Variants in LRMDA observed in about 807,000 individuals in gnomAD.
LRMDA encodes the protein leucine rich melanocyte differentiation associated.
A neutral mutation model predicts 29.8 loss-of-function variants in LRMDA; 18 were observed. That is an observed-to-expected ratio of 0.60 (90% CI 0.42 to 0.90). The LOEUF is 0.90. LRMDA is among the 40% of genes least tolerant of loss of function. LRMDA has a pLI of 0.00. For missense variants in LRMDA, 273 were observed against 273.9 expected (o/e 1.00, Z 0.02); for synonymous variants, 125 against 109.4 (o/e 1.14, Z -0.89).
intron 2 of LRMDA, among the ~76,000 whole-genome samples, chr10:76,003,216 T>C (rs1277224360): frequency 2.0e-5 from 3 of 152,110 alleles, no homozygotes; most frequent in Non-Finnish European, 4.4e-5. Context: ...CTTTCCTGAG[T>C]ACTCCACCAT....
intron 2 of LRMDA, among the ~76,000 whole-genome samples, chr10:75,992,560 C>T (rs1283740262): frequency 6.6e-6 from 1 of 152,188 alleles, no homozygotes; most frequent in African/African-American, 2.4e-5. Flanking sequence ...AGCATGTCTG[C>T]CATGCTGTTT....
intron 6 of LRMDA, among the ~76,000 whole-genome samples, chr10:76,552,513 T>C (rs538019699): frequency 1.3e-5 from 2 of 152,358 alleles, no homozygotes; most frequent in East Asian, 1.9e-4. Flanking sequence ...ATTTGTCTCC[T>C]GCATCAGGCA....
At chr10:75,803,548 G>A (rs1195951660) in intron 2 of LRMDA, among the ~76,000 whole-genome samples, 1 of 152,136 alleles carries the variant, frequency 6.6e-6, no homozygotes, top group Non-Finnish European at 1.5e-5. Context: ...GTGTGCCATT[G>A]GGCAAATTAT....
chr10:75,706,896 A>G (rs1842377014), intron 2 of LRMDA, among the ~76,000 whole-genome samples: 1 of 152,096 alleles, frequency 6.6e-6, no homozygotes, highest in South Asian at 2.1e-4. Flanking sequence ...GGACCTCAGT[A>G]TACTCTTGGA....
intron 5 of LRMDA, among the ~76,000 whole-genome samples, chr10:76,223,203 A>C (rs970523173): frequency 3.9e-5 from 6 of 152,190 alleles, no homozygotes; most frequent in Admixed American, 2.0e-4. Flanking sequence ...CCAGCATGGC[A>C]CATGTATACA....
chr10:76,042,793 T>A (rs1263731696), intron 3 of LRMDA, among the ~76,000 whole-genome samples: 1 of 152,220 alleles, frequency 6.6e-6, no homozygotes, highest in Non-Finnish European at 1.5e-5. Flanking sequence ...GAAAATTGAT[T>A]TTTTAAAATA....
intron 5 of LRMDA, among the ~76,000 whole-genome samples, chr10:76,062,980 C>A (rs1194588147): frequency 6.6e-6 from 1 of 152,164 alleles, no homozygotes; most frequent in African/African-American, 2.4e-5. Flanking sequence ...AGCAGAGAGA[C>A]AGCTCAAAAA....
intron 2 of LRMDA, among the ~76,000 whole-genome samples, chr10:75,489,226 TAAAA>T (rs33952475): frequency 5.3e-5 from 7 of 132,074 alleles, no homozygotes; most frequent in African/African-American, 1.4e-4. Flanking sequence ...GGATTTTTAG[TAAAA>T]AAAAAAAAAA....
chr10:76,431,688 G>A (rs1487750384), intron 6 of LRMDA, among the ~76,000 whole-genome samples: 1 of 152,142 alleles, frequency 6.6e-6, no homozygotes, highest in Non-Finnish European at 1.5e-5. Flanking sequence ...GGTGATGGTG[G>A]TGGTGCTGTG....
intron 1 of LRMDA, among the ~76,000 whole-genome samples, chr10:75,436,377 A>C (rs1484729787): frequency 6.6e-6 from 1 of 152,210 alleles, no homozygotes; most frequent in Non-Finnish European, 1.5e-5. Context: ...TGTGCAAGAC[A>C]GTAGTGCAGG....
chr10:75,797,757 G>T (rs1455215138), intron 2 of LRMDA, among the ~76,000 whole-genome samples: 3 of 152,048 alleles, frequency 2.0e-5, no homozygotes, highest in Admixed American at 1.3e-4. Flanking sequence ...GTGTTTTATT[G>T]CATGGATATA....
chr10:76,112,322 G>T (rs890529820), intron 5 of LRMDA, among the ~76,000 whole-genome samples: 1 of 152,222 alleles, frequency 6.6e-6, no homozygotes, highest in South Asian at 2.1e-4. Context: ...AGCAGGGTAT[G>T]GGGCGTCTGC....
At chr10:76,197,260 G>C (rs1218683199) in intron 5 of LRMDA, among the ~76,000 whole-genome samples, 1 of 152,216 alleles carries the variant, frequency 6.6e-6, no homozygotes, top group African/African-American at 2.4e-5. Flanking sequence ...ACTGAGCATA[G>C]TATTTCATGA....
rs74388032 is a variant in LRMDA at position 76,138,720 on chromosome 10, A to G, written c.516+79937A>G. Among the ~76,000 whole-genome samples, 1,510 of 152,294 alleles carry G rather than the reference A, an allele frequency of 9.9e-3. 30 individuals are homozygous for G. The highest frequency in any genetic ancestry group is 0.035 in the African/African-American group (1,440 of 41,554). On this transcript the variant is annotated intron_variant, in intron 5 of 6. Transcript: ENST00000611255. ...TGGTAGAGCCCAAATACCATTACAAATAGATTTATTGTAGTGTGTTTTCTC... is the reference window on the plus strand; with the variant it reads ...TGGTAGAGCCCAAATACCATTACAAGTAGATTTATTGTAGTGTGTTTTCTC...
At chr10:75,668,291 C>T (rs1841848154) in intron 2 of LRMDA, among the ~76,000 whole-genome samples, 1 of 152,150 alleles carries the variant, frequency 6.6e-6, no homozygotes, top group African/African-American at 2.4e-5. Context: ...TTTTGTGATT[C>T]CCATAGTACA....
At chr10:75,964,222 G>C (rs1170816383) in intron 2 of LRMDA, among the ~76,000 whole-genome samples, 1 of 152,158 alleles carries the variant, frequency 6.6e-6, no homozygotes, top group Non-Finnish European at 1.5e-5. Context: ...ATTATTTATA[G>C]CTATTATGCA....
At chr10:75,833,600 C>A (rs1473026414) in intron 2 of LRMDA, among the ~76,000 whole-genome samples, 1 of 152,182 alleles carries the variant, frequency 6.6e-6, no homozygotes, top group Admixed American at 6.5e-5. Context: ...ATCCCAAGGT[C>A]ACCAAAAGTT....
intron 2 of LRMDA, among the ~76,000 whole-genome samples, chr10:75,916,365 C>G (rs1159603058): frequency 1.3e-5 from 2 of 152,090 alleles, no homozygotes; most frequent in African/African-American, 2.4e-5. Context: ...GCTGGCTGGG[C>G]TCCTCAGAGC....
At chr10:76,341,784 T>C (rs1841045074) in intron 6 of LRMDA, among the ~76,000 whole-genome samples, 2 of 152,178 alleles carry the variant, frequency 1.3e-5, no homozygotes, top group African/African-American at 4.8e-5. Context: ...GGTTTCCTTT[T>C]GTTGGCTCAT....
Sources: gnomAD v4.1 joint callset for allele counts (sites outside exome capture counted in the v4.1 genomes callset) on GRCh38, gnomAD v4.1.1 for gene constraint, MANE v1.5 for transcripts, NCBI Gene and HGNC (gene_info 2026-07-23, HGNC 2026-07-21) for gene names.